Variants in NNT observed in about 807,000 individuals in gnomAD.
NNT encodes the protein nicotinamide nucleotide transhydrogenase, also known as NAD(P) transhydrogenase, mitochondrial.
Under a neutral mutation model 104.8 loss-of-function variants are expected in NNT, and 50 were observed. The ratio of observed to expected loss-of-function variants is 0.48; its 90% CI spans 0.38 to 0.60. The LOEUF (loss-of-function observed/expected upper bound fraction) is 0.60, where lower values mean the gene tolerates loss of function less well. Ranked by LOEUF, NNT falls within the 20% of genes least tolerant of loss-of-function variation. The pLI, the probability that NNT is intolerant of heterozygous loss-of-function variation, is 0.00. For synonymous variants in NNT, 461 were observed against 490.4 expected, an observed-to-expected ratio of 0.94 and a Z score of 0.79; for missense variants, 1,131 against 1,330.7, an observed-to-expected ratio of 0.85 and a Z score of 2.33.
At chr5:43,640,857 CATAT>C (rs1751196828) in intron 7 of NNT, among the ~76,000 whole-genome samples, 1 of 150,550 alleles carries the variant, frequency 6.6e-6, no homozygotes, top group Non-Finnish European at 1.5e-5. Context: ...TCATATACAT[CATAT>C]ATATCTATAT....
At position 43,620,798 on chromosome 5, in the gene NNT, A is replaced by G. The variant is rs374160548; in HGVS notation, c.687+1679A>G. Among the ~76,000 whole-genome samples the G allele has an allele frequency of 4.1e-4, 62 of 152,330 alleles. 1 individual carries two copies. The highest frequency in any genetic ancestry group is 1.5e-3 in the African/African-American group (62 of 41,568). On this transcript the variant is annotated intron_variant, in intron 5 of 21. Transcript: ENST00000344920. ...AATGTCTGGCATGCATAGTGGCCAG[A>G]AGTTCGATGCTGTTCTTAAATTGAC...
intron 1 of NNT, among the ~76,000 whole-genome samples, chr5:43,607,201 C>T (rs753987510): frequency 1.3e-5 from 2 of 152,038 alleles, no homozygotes; most frequent in Non-Finnish European, 2.9e-5. Context: ...CATCATAACC[C>T]CTGTGATCTG....
intron 19 of NNT, among the ~76,000 whole-genome samples, chr5:43,679,315 T>TA (rs149879622): frequency 2.0e-5 from 3 of 152,328 alleles, no homozygotes; most frequent in Non-Finnish European, 2.9e-5. Flanking sequence ...TTTCACCACA[T>TA]AAATATTTAG....
At chr5:43,611,870 G>A (rs971769133) in intron 2 of NNT, among the ~76,000 whole-genome samples, 2 of 152,136 alleles carry the variant, frequency 1.3e-5, no homozygotes, top group Non-Finnish European at 2.9e-5. Flanking sequence ...ATGTCCTGTA[G>A]CTAAAGATGG....
At chr5:43,687,019 T>C (rs1487390804) in intron 19 of NNT, among the ~76,000 whole-genome samples, 4 of 152,172 alleles carry the variant, frequency 2.6e-5, no homozygotes, top group Non-Finnish European at 4.4e-5. Context: ...GTATACTTTA[T>C]TGGGCACACT....
At chr5:43,690,396 T>C (rs1742206692) in intron 19 of NNT, among the ~76,000 whole-genome samples, 1 of 152,182 alleles carries the variant, frequency 6.6e-6, no homozygotes, top group Non-Finnish European at 1.5e-5. Context: ...CAACGATTCT[T>C]AGTCTTAAGT....
At chr5:43,624,250 A>C (rs1750248232) in intron 6 of NNT, 130 bp downstream of exon 6, 3 of 787,448 alleles carry the variant, frequency 3.8e-6, no homozygotes, top group East Asian at 4.9e-5. Flanking sequence ...CCATTTAAAA[A>C]TGTTTCCACT....
At chr5:43,630,034 T>C (rs764043931) in intron 7 of NNT, among the ~76,000 whole-genome samples, 8 of 152,254 alleles carry the variant, frequency 5.3e-5, no homozygotes, top group Non-Finnish European at 1.0e-4. Context: ...TTCTTGGTCA[T>C]GAACTCTTTG....
chr5:43,668,687 G>A (rs1434790635), intron 17 of NNT, among the ~76,000 whole-genome samples: 2 of 152,184 alleles, frequency 1.3e-5, no homozygotes, highest in Non-Finnish European at 2.9e-5. Flanking sequence ...CTGTAGCCTT[G>A]TAGGATAGTT....
chr5:43,673,280 C>T (rs1440166698), intron 17 of NNT, among the ~76,000 whole-genome samples: 1 of 152,180 alleles, frequency 6.6e-6, no homozygotes, highest in Non-Finnish European at 1.5e-5. Flanking sequence ...TGGTGGACTG[C>T]ACCCACTGTC....
At chr5:43,641,478 A>C (rs1214706759) in intron 7 of NNT, among the ~76,000 whole-genome samples, 1 of 152,088 alleles carries the variant, frequency 6.6e-6, no homozygotes, top group African/African-American at 2.4e-5. Context: ...AGAGAAGAAA[A>C]TAGTCTCACC....
At chr5:43,666,885 G>A (rs2112026095) in intron 17 of NNT, 2 of 1,539,466 alleles carry the variant, frequency 1.3e-6, no homozygotes, top group East Asian at 4.5e-5. Flanking sequence ...AGCACAGCCT[G>A]GGCCCCTTGG....
intron 7 of NNT, among the ~76,000 whole-genome samples, chr5:43,643,767 G>T (rs369620899): frequency 6.6e-6 from 1 of 152,230 alleles, no homozygotes; most frequent in Admixed American, 6.5e-5. Flanking sequence ...TCATAAATTA[G>T]TATTAACTGT....
chr5:43,703,568 A>C (rs1226546443), intron 21 of NNT, among the ~76,000 whole-genome samples: 2 of 152,188 alleles, frequency 1.3e-5, no homozygotes, highest in African/African-American at 4.8e-5. Context: ...GTTTTTTAAT[A>C]GATTACATGT....
chr5:43,661,916 G>T (rs182291592), intron 17 of NNT, among the ~76,000 whole-genome samples: 2 of 152,238 alleles, frequency 1.3e-5, no homozygotes, highest in African/African-American at 4.8e-5. Context: ...AATCCTGTGG[G>T]TATATACCCC....
At position 43,656,784 on chromosome 5, in the gene NNT, G is replaced by A. The variant is rs1394743427; in HGVS notation, c.2425G>A (p.Gly809Ser). ...CTTTACTACTGGCATCACCTGTCTGGGTTCAGTGTCTGCTCTCTCTGCTGT... is the reference window on the plus strand; with the variant it reads ...CTTTACTACTGGCATCACCTGTCTGAGTTCAGTGTCTGCTCTCTCTGCTGT... ...PSFTTGITCL[G>S]SVSALSAVMG... is the part of the protein sequence containing the mutation. Residue 809 changes from glycine to serine, a missense_variant, in exon 16 of 22, where the codon GGT (glycine) becomes AGT (serine). Transcript: ENST00000344920. The A allele has an allele frequency of 6.2e-7, 1 of 1,613,918 alleles. No individual in the cohort carries two copies. The highest frequency in any genetic ancestry group is 8.5e-7 in the Non-Finnish European group (1 of 1,179,972).
chr5:43,609,074 G>T (rs1749367063), intron 1 of NNT, 69 bp from the exon 2 acceptor site: 1 of 695,600 alleles, frequency 1.4e-6, no homozygotes, highest in Admixed American at 3.0e-5. Context: ...TTTTTAAAAT[G>T]TTTTTCATGT....
Position 43,649,214 on chromosome 5 carries a change from T to C in NNT, c.1512T>C (p.Thr504=), listed in dbSNP as rs772219419. 6.2e-7 allele frequency: 1 copy of C among 1,614,182 alleles called. No homozygotes were observed. The highest frequency in any genetic ancestry group is 1.1e-5 in the South Asian group (1 of 91,086). The stretch of plus-strand genomic sequence containing the variant: ...TAGCCTTTTCTCAGATGGTGACCAC[T>C]TTTGGCTTGGCTGGCATTGTGGGGT... ...PNLAFSQMVT[T]FGLAGIVGYH... Residue 504 remains threonine (T), a synonymous_variant, in exon 11 of 22, where the codon ACT becomes ACC. Transcript: ENST00000344920.
rs762841963 is a variant in NNT, at chr5:43,704,389, A to G, written c.3246A>G (p.Glu1082=). 1.9e-6 allele frequency: 3 copies of G among 1,613,706 alleles called. No homozygotes were observed. The highest frequency in any genetic ancestry group is 1.6e-4 in the Middle Eastern group (1 of 6,062). ...ACGCGCTCCAGGCGAAAGTTAGAGA[A>G]TCCTATCAGAAGTAAATATTAAGGA... ...TCDALQAKVR[E]SYQK Residue 1082 remains glutamate (E), a synonymous_variant, in exon 22 of 22, where the codon GAA becomes GAG. Transcript: ENST00000344920.
Sources: gnomAD v4.1 joint callset for allele counts (sites outside exome capture counted in the v4.1 genomes callset) on GRCh38, gnomAD v4.1.1 for gene constraint, MANE v1.5 for transcripts, NCBI Gene and HGNC (gene_info 2026-07-23, HGNC 2026-07-21) for gene names.